The following RERE variants were observed in gnomAD, a reference collection of about 807,000 sequenced individuals.
RERE encodes arginine-glutamic acid dipeptide repeats protein.
A neutral mutation model predicts 146.1 loss-of-function variants in RERE; 40 were observed. The ratio of observed to expected loss-of-function variants is 0.27; its 90% CI spans 0.21 to 0.36. The LOEUF (loss-of-function observed/expected upper bound fraction) is 0.36. Ranked by LOEUF, RERE falls within the 10% of genes least tolerant of loss-of-function variation. The pLI, the probability that RERE is intolerant of heterozygous loss-of-function variation, is 1.00. For synonymous variants in RERE, 1,003 were observed against 866.0 expected, an observed-to-expected ratio of 1.16 and a Z score of -2.78; for missense variants, 1,933 against 2,138.7, an observed-to-expected ratio of 0.90 and a Z score of 1.90.
rs113334888 is a variant in RERE at position 8,416,401 on chromosome 1, T to C, written c.1284+6326A>G. Among the ~76,000 whole-genome samples, 808 of 152,020 alleles carry C rather than the reference T, an allele frequency of 5.3e-3. 9 individuals are homozygous for C. The highest frequency in any genetic ancestry group is 9.6e-3 in the African/African-American group (399 of 41,490). ...GAGATCGAGACCATCCTGGTTAACA[T>C]GGTGAAAACCCCGTCTCTACTAAAA... On this transcript the variant is annotated intron_variant, in intron 12 of 22. Transcript: ENST00000400908.
chr1:8,530,645 C>T (rs1280587362), intron 7 of RERE, among the ~76,000 whole-genome samples: 2 of 150,704 alleles, frequency 1.3e-5, no homozygotes, highest in African/African-American at 2.4e-5. Flanking sequence ...CTAATTGCCC[C>T]GCATATCTAG....
At chr1:8,414,015 A>G (rs1489149315) in intron 12 of RERE, among the ~76,000 whole-genome samples, 5 of 144,152 alleles carry the variant, frequency 3.5e-5, no homozygotes, top group African/African-American at 1.3e-4. Flanking sequence ...AGATTGTGCC[A>G]TTGCACTCCA....
intron 12 of RERE, among the ~76,000 whole-genome samples, chr1:8,386,020 A>ATG (rs1557603339): frequency 5.5e-5 from 2 of 36,692 alleles, no homozygotes; most frequent in African/African-American, 2.4e-4. Flanking sequence ...ATATATATAT[A>ATG]TATTTTTTTT....
intron 13 of RERE, 77 bp downstream of exon 13, chr1:8,365,735 C>T: frequency 6.5e-7 from 1 of 1,540,176 alleles, no homozygotes; most frequent in Non-Finnish European, 8.9e-7. Context: ...CCATCAGCTC[C>T]TACGGGCCCA....
chr1:8,699,613 G>A (rs1358280345), intron 1 of RERE, among the ~76,000 whole-genome samples: 2 of 152,128 alleles, frequency 1.3e-5, no homozygotes, highest in African/African-American at 2.4e-5. Flanking sequence ...TGTTTGAATT[G>A]GATGTAGGAT....
chr1:8,696,350 C>T (rs901091743), intron 1 of RERE, among the ~76,000 whole-genome samples: 5 of 152,174 alleles, frequency 3.3e-5, no homozygotes, highest in African/African-American at 9.7e-5. Flanking sequence ...CGGTAGCTCG[C>T]GTCTGTAATC....
At chr1:8,357,677 G>T (rs1641351087) in intron 20 of RERE, among the ~76,000 whole-genome samples, 1 of 152,244 alleles carries the variant, frequency 6.6e-6, no homozygotes. Context: ...GTGGCCTTAA[G>T]GAGCTCCTAC....
intron 1 of RERE, among the ~76,000 whole-genome samples, chr1:8,657,723 T>C (rs1322588553): frequency 6.6e-6 from 1 of 152,150 alleles, no homozygotes; most frequent in Non-Finnish European, 1.5e-5. Flanking sequence ...GGCACACGCC[T>C]ATAGTCCCAG....
chr1:8,789,613 C>T (rs1641328310), intron 1 of RERE, among the ~76,000 whole-genome samples: 1 of 152,084 alleles, frequency 6.6e-6, no homozygotes. Flanking sequence ...TACCTCGCCC[C>T]AATTCCCTTC....
At chr1:8,384,240 G>T (rs1348285747) in intron 12 of RERE, among the ~76,000 whole-genome samples, 1 of 152,144 alleles carries the variant, frequency 6.6e-6, no homozygotes, top group Non-Finnish European at 1.5e-5. Context: ...ATGTAAGCTG[G>T]GATGCACGGA....
intron 1 of RERE, among the ~76,000 whole-genome samples, chr1:8,744,757 A>G (rs1640386962): frequency 6.6e-6 from 1 of 152,228 alleles, no homozygotes; most frequent in Non-Finnish European, 1.5e-5. Context: ...TTGTGGTAAG[A>G]GACAAATAAA....
intron 12 of RERE, among the ~76,000 whole-genome samples, chr1:8,386,017 T>A (rs1642658657): frequency 4.9e-5 from 2 of 41,028 alleles, no homozygotes; most frequent in Non-Finnish European, 4.3e-5. Flanking sequence ...TATATATATA[T>A]ATATATTTTT....
At chr1:8,658,333 A>C (rs1638370812) in intron 1 of RERE, among the ~76,000 whole-genome samples, 1 of 152,190 alleles carries the variant, frequency 6.6e-6, no homozygotes, top group South Asian at 2.1e-4. Flanking sequence ...TCAATCTAAG[A>C]AGCTTCTGTT....
At chr1:8,639,086 G>T (rs1570549257) in intron 2 of RERE, among the ~76,000 whole-genome samples, 2 of 152,180 alleles carry the variant, frequency 1.3e-5, no homozygotes, top group South Asian at 2.1e-4. Flanking sequence ...AAAAATTTTT[G>T]AAGTCTATAG....
chr1:8,541,379 GGA>G, intron 6 of RERE, 61 bp from the exon 7 acceptor site: 2 of 989,586 alleles, frequency 2.0e-6, no homozygotes, highest in Non-Finnish European at 3.2e-6. Context: ...AACCAAAACT[GGA>G]GGGGGAAGGG....
At chr1:8,730,855 C>A (rs1371079862) in intron 1 of RERE, among the ~76,000 whole-genome samples, 2 of 152,166 alleles carry the variant, frequency 1.3e-5, no homozygotes, top group African/African-American at 4.8e-5. Context: ...TCACATGCCT[C>A]AGAATCACCT....
At position 8,508,664 on chromosome 1, in the gene RERE, C is replaced by A; in HGVS notation, c.842G>T (p.Ser281Ile). The A allele has an allele frequency of 1.2e-6, 2 of 1,612,874 alleles. No individual in the cohort carries two copies. Among genetic ancestry groups the A allele is most frequent in the Non-Finnish European group, 1.7e-6 (2 of 1,178,974 alleles). ...ACCGACACGAATCTCCCCCTGGGTACTGTTCAGCCTCCTGGAACAGAAATA... is the reference window on the plus strand; with the variant it reads ...ACCGACACGAATCTCCCCCTGGGTAATGTTCAGCCTCCTGGAACAGAAATA... ...GYNPETRRLN[S>I]TQGEIRVGPS... Residue 281 changes from serine to isoleucine, a missense_variant, in exon 8 of 23, where the codon AGT becomes ATT. Physicochemically the swap from Ser to Ile is moderately radical, Grantham distance 142. Coordinates refer to ENST00000400908, the MANE Select transcript of RERE (RefSeq NM_001042681.2).
intron 1 of RERE, among the ~76,000 whole-genome samples, chr1:8,794,357 C>CAAAAAAAAAAAAA (rs34549021): frequency 2.5e-5 from 1 of 40,554 alleles, no homozygotes; most frequent in African/African-American, 9.9e-5. Context: ...GACTCCGTCT[C>CAAAAAAAAAAAAA]AAAAAAAAAA....
At chr1:8,607,350 A>G (rs1646728406) in intron 4 of RERE, among the ~76,000 whole-genome samples, 2 of 148,342 alleles carry the variant, frequency 1.3e-5, no homozygotes, top group Admixed American at 1.3e-4. Flanking sequence ...ACACAGGGAG[A>G]TACCCTGTCT....
Sources: allele counts gnomAD v4.1 joint callset (sites outside exome capture counted in the v4.1 genomes callset), GRCh38; gene constraint gnomAD v4.1.1; transcripts MANE v1.5; gene names NCBI Gene and HGNC (gene_info 2026-07-23, HGNC 2026-07-21).